The following NCOR1 variants were observed in gnomAD, a reference collection of about 807,000 sequenced individuals.
The protein encoded by NCOR1 is protein phosphatase 1, regulatory subunit 109.
A neutral mutation model predicts 288.1 loss-of-function variants in NCOR1; 63 were observed. The observed-to-expected ratio is 0.22, with a 90% confidence interval of 0.18 to 0.27. The LOEUF is 0.27. NCOR1 is among the 10% of genes least tolerant of loss of function. The pLI, the probability that NCOR1 is intolerant of heterozygous loss-of-function variation, is 1.00. For synonymous variants in NCOR1, 1,007 were observed against 1,065.9 expected, an observed-to-expected ratio of 0.94 and a Z score of 1.08; for missense variants, 2,397 against 3,019.2, an observed-to-expected ratio of 0.79 and a Z score of 4.83.
chr17:16,146,850 A>G (rs965674831), intron 9 of NCOR1, among the ~76,000 whole-genome samples: 3 of 152,178 alleles, frequency 2.0e-5, no homozygotes, highest in Non-Finnish European at 2.9e-5. Context: ...TTTGCTTAAA[A>G]CATTATGTCA....
chr17:16,102,469 T>A (rs2067809963), intron 19 of NCOR1, among the ~76,000 whole-genome samples: 1 of 152,128 alleles, frequency 6.6e-6, no homozygotes, highest in Non-Finnish European at 1.5e-5. Context: ...ATTTATTTAA[T>A]TAACCCAGTA....
At position 16,113,865 on chromosome 17, in the gene NCOR1, C is replaced by G. The variant is rs978441507; in HGVS notation, c.2055+4023G>C. Among the ~76,000 whole-genome samples, 12 of 151,972 alleles carry G rather than the reference C, an allele frequency of 7.9e-5. No individual in the cohort carries two copies. In the East Asian group the frequency reaches 2.3e-3, roughly 29 times the overall value. ...CCAAGATCATGCCACTGCACTCCAGCCTGGGCAACAGGGTGAGACTCCATC... is the reference window on the plus strand; with the variant it reads ...CCAAGATCATGCCACTGCACTCCAGGCTGGGCAACAGGGTGAGACTCCATC... On this transcript the variant is annotated intron_variant, in intron 18 of 45. Coordinates refer to ENST00000268712, the MANE Select transcript of NCOR1 (RefSeq NM_006311.4).
At chr17:16,163,789 T>G (rs1332700267) in intron 5 of NCOR1, among the ~76,000 whole-genome samples, 1 of 152,040 alleles carries the variant, frequency 6.6e-6, no homozygotes, top group African/African-American at 2.4e-5. Flanking sequence ...AAACAAAACA[T>G]AGTAAACTCA....
At position 16,032,271 on chromosome 17, in the gene NCOR1, C is replaced by A. The variant is rs2151752148; in HGVS notation, c.*25G>T. ...AAAAACTAGAGATCCCTCTCCTGCA[C>A]CCTGTTCCCCTCACTTTGTGCAGTT... On this transcript the variant is annotated 3_prime_UTR_variant, in exon 46 of 46. Transcript: ENST00000268712. 1 of 1,585,034 alleles carries A rather than the reference C, an allele frequency of 6.3e-7. No individual in the cohort carries two copies. Among genetic ancestry groups the A allele is most frequent in the Non-Finnish European group, 8.5e-7 (1 of 1,169,792 alleles).
chr17:16,081,886 T>C lies in NCOR1; in HGVS notation c.3178-1159A>G, dbSNP rs2058011184. On this transcript the variant is annotated intron_variant, in intron 23 of 45. Transcript: ENST00000268712. ...AATGCTACATGCATGTGCAAGGCTA[T>C]GAATATGCCTAGGAAAGACATGGGA... is the stretch of plus-strand genomic sequence containing the variant. 2.0e-5 allele frequency among the ~76,000 whole-genome samples: 3 copies of C among 152,188 alleles called. No homozygotes were observed. In the South Asian group the frequency reaches 6.2e-4, roughly 31 times the overall value.
chr17:16,051,984 T>G (rs1259204810), intron 40 of NCOR1, among the ~76,000 whole-genome samples: 1 of 152,032 alleles, frequency 6.6e-6, no homozygotes, highest in Non-Finnish European at 1.5e-5. Flanking sequence ...AAAAAAACAC[T>G]CAAAAGATCA....
At chr17:16,133,838 G>C (rs2076009921) in intron 14 of NCOR1, among the ~76,000 whole-genome samples, 1 of 152,094 alleles carries the variant, frequency 6.6e-6, no homozygotes, top group South Asian at 2.1e-4. Context: ...TGTTTTCCTT[G>C]ATTATTGTCC....
intron 9 of NCOR1, among the ~76,000 whole-genome samples, chr17:16,148,711 A>T (rs1398407404): frequency 7.7e-6 from 1 of 130,096 alleles, no homozygotes; most frequent in African/African-American, 2.7e-5. Context: ...CCAGTAATTT[A>T]AGACAGTATC....
intron 19 of NCOR1, among the ~76,000 whole-genome samples, chr17:16,104,476 A>T (rs1568038983): frequency 6.6e-6 from 1 of 152,194 alleles, no homozygotes; most frequent in African/African-American, 2.4e-5. Flanking sequence ...GACAACAGTA[A>T]ATATGTGATA....
At chr17:16,088,902 C>T (rs566854122) in intron 22 of NCOR1, among the ~76,000 whole-genome samples, 2 of 152,086 alleles carry the variant, frequency 1.3e-5, no homozygotes, top group South Asian at 2.1e-4. Flanking sequence ...TCCATCAAGA[C>T]GATGGTACTT....
intron 27 of NCOR1, among the ~76,000 whole-genome samples, chr17:16,074,617 T>A (rs2062168829): frequency 6.6e-6 from 1 of 152,224 alleles, no homozygotes; most frequent in South Asian, 2.1e-4. Flanking sequence ...ATACTTTATT[T>A]CTTTGTATTG....
rs1971836774 is a variant in NCOR1, at chr17:16,030,690, G to A, written c.*1606C>T. On this transcript the variant is annotated 3_prime_UTR_variant, in exon 46 of 46. Coordinates refer to ENST00000268712, the MANE Select transcript of NCOR1 (RefSeq NM_006311.4). ...GTATACAGGAGTGGAACAGGGACAG[G>A]AGTGAAAGCTTTGACTGAAGACAAA... The A allele has an allele frequency of 5.6e-6, 1 of 180,028 alleles. No homozygotes were observed. The highest frequency in any genetic ancestry group is 1.2e-5 in the Non-Finnish European group (1 of 84,184). 11.2% of individuals were successfully genotyped at this position (180,028 alleles called of 1,614,324 possible).
At chr17:16,172,095 T>C (rs1325558183) in intron 3 of NCOR1, 100 bp from the exon 4 acceptor site, 3 of 997,762 alleles carry the variant, frequency 3.0e-6, no homozygotes, top group Non-Finnish European at 1.4e-6. Flanking sequence ...AATGAAAAAG[T>C]CATGCTTACA....
At chr17:16,173,023 C>T (rs936735555) in intron 3 of NCOR1, among the ~76,000 whole-genome samples, 12 of 152,086 alleles carry the variant, frequency 7.9e-5, no homozygotes, top group African/African-American at 9.7e-5. Context: ...CTCCACCTCC[C>T]GGATTCAAGT....
intron 1 of NCOR1, among the ~76,000 whole-genome samples, chr17:16,205,761 A>C (rs2091427062): frequency 6.6e-6 from 1 of 151,894 alleles, no homozygotes; most frequent in Non-Finnish European, 1.5e-5. Context: ...AACACAGAGA[A>C]ACCCTGTCTC....
At chr17:16,068,144 A>AC (rs1567812244) in intron 31 of NCOR1, 23 bp from the exon 32 acceptor site, 1 of 1,541,282 alleles carries the variant, frequency 6.5e-7, no homozygotes, top group Admixed American at 1.8e-5. Context: ...AGCCAATGCC[A>AC]CAAGTTCTTA....
At chr17:16,081,827 T>C (rs1231536139) in intron 23 of NCOR1, among the ~76,000 whole-genome samples, 1 of 151,930 alleles carries the variant, frequency 6.6e-6, no homozygotes, top group Non-Finnish European at 1.5e-5. Flanking sequence ...GTTCATGGGG[T>C]CTGAAAAACT....
Position 16,057,723 on chromosome 17 carries a change from T to G in NCOR1, c.6183A>C (p.Gln2061His). The change falls in exon 40 of 46, where the codon CAA (glutamine) becomes CAC (histidine). Residue 2061 changes from glutamine (Q) to histidine (H), a missense_variant. By Grantham distance (24) the Gln-to-His change is conservative. Around this residue, in one of 11 missense-constraint regions of NCOR1, gnomAD observed 1,872 missense variants for 2,187.8 expected, o/e 0.86. Coordinates refer to ENST00000268712, the MANE Select transcript of NCOR1 (RefSeq NM_006311.4). The part of the protein sequence containing the change: ...LADHICQIIT[Q>H]DFARNQVSSQ... ...AGGAAACTTGATTTCTAGCAAAATC[T>G]TGTGTGATAATTTGCTGTGAATGAG... The G allele has an allele frequency of 6.2e-7, 1 of 1,613,964 alleles. No individual in the cohort carries two copies. The highest frequency in any genetic ancestry group is 8.5e-7 in the Non-Finnish European group (1 of 1,179,926).
intron 6 of NCOR1, among the ~76,000 whole-genome samples, chr17:16,156,431 G>A (rs1298040754): frequency 2.1e-5 from 3 of 140,554 alleles, no homozygotes; most frequent in Admixed American, 7.4e-5. Flanking sequence ...GCAAAACTCT[G>A]TCTCGAAAAA....
Sources: allele counts gnomAD v4.1 joint callset (sites outside exome capture counted in the v4.1 genomes callset), GRCh38; gene constraint gnomAD v4.1.1; regional missense constraint gnomAD v4.1.1; transcripts MANE v1.5; gene names NCBI Gene and HGNC (gene_info 2026-07-23, HGNC 2026-07-21).